Variants in ANKH observed in about 807,000 individuals in gnomAD.
ANKH encodes the protein mineralization regulator ANKH.
ANKH carries 15 observed loss-of-function variants against 49.0 expected under a neutral mutation model. That is an observed-to-expected ratio of 0.31 (90% CI 0.20 to 0.47). The LOEUF (loss-of-function observed/expected upper bound fraction) is 0.47. Among genes scored for constraint, ANKH ranks in the 20% least tolerant of loss-of-function variants. The pLI is 1.00. For missense variants in ANKH, 429 were observed against 652.0 expected (o/e 0.66, Z 3.72); for synonymous variants, 273 against 260.0 (o/e 1.05, Z -0.48).
intron 1 of ANKH, chr5:14,797,894 T>C: frequency 6.2e-7 from 1 of 1,611,946 alleles, no homozygotes; most frequent in Non-Finnish European, 8.5e-7. Context: ...GACGCAAGTC[T>C]GGGTTGCATT....
chr5:14,753,204 T>C (rs1561038991), intron 4 of ANKH, among the ~76,000 whole-genome samples: 1 of 152,120 alleles, frequency 6.6e-6, no homozygotes, highest in African/African-American at 2.4e-5. Context: ...GTTGCTGCAG[T>C]TGACTCTGTG....
intron 2 of ANKH, among the ~76,000 whole-genome samples, chr5:14,765,483 C>G (rs1739231113): frequency 6.6e-6 from 1 of 152,148 alleles, no homozygotes; most frequent in Non-Finnish European, 1.5e-5. Flanking sequence ...CAATCTCCAC[C>G]AAGCATTCCC....
intron 1 of ANKH, chr5:14,788,329 T>C (rs1740044592): frequency 6.6e-6 from 1 of 152,256 alleles, no homozygotes; most frequent in South Asian, 2.1e-4. Context: ...CCAGGGATTA[T>C]CACTGTCATG....
intron 1 of ANKH, among the ~76,000 whole-genome samples, chr5:14,843,768 G>A (rs1490160297): frequency 6.6e-6 from 1 of 152,094 alleles, no homozygotes; most frequent in Non-Finnish European, 1.5e-5. Context: ...TTATTCTCTG[G>A]GTGAGGGAGG....
intron 1 of ANKH, chr5:14,798,206 T>A: frequency 6.3e-7 from 1 of 1,592,504 alleles, no homozygotes; most frequent in Admixed American, 1.7e-5. Flanking sequence ...CCAGGACAAG[T>A]CGATGAAGGC....
At chr5:14,740,585 G>A (rs1311889063) in intron 8 of ANKH, among the ~76,000 whole-genome samples, 1 of 152,250 alleles carries the variant, frequency 6.6e-6, no homozygotes, top group Non-Finnish European at 1.5e-5. Context: ...CTGAGGACAC[G>A]AGGTCATGAC....
intron 1 of ANKH, among the ~76,000 whole-genome samples, chr5:14,845,869 T>TG (rs869243744): frequency 2.2e-4 from 32 of 142,266 alleles, no homozygotes; most frequent in African/African-American, 7.2e-4. Flanking sequence ...TTTTTTTTTT[T>TG]GGTGATGGAA....
rs1554004771 is a variant in ANKH at position 14,771,934 on chromosome 5, A to AC, written c.97-2744_97-2743insG. ...GTCTCAAAAAAAGAAAAAAAAAAAA[A>AC]AAAAAAAAAAAAACCAAAACAAAAC... On this transcript the variant is annotated intron_variant, in intron 1 of 11. Transcript: ENST00000284268. Among the ~76,000 whole-genome samples, 208 of 108,764 alleles carry AC rather than the reference A, an allele frequency of 1.9e-3. 1 individual carries two copies. The highest frequency in any genetic ancestry group is 4.3e-3 in the South Asian group (12 of 2,796). 71.4% of individuals were successfully genotyped at this position (108,764 alleles called of 152,430 possible). A position where few individuals can be genotyped will look rare whatever the true frequency, so the allele number is the denominator to read the frequency against.
intron 1 of ANKH, among the ~76,000 whole-genome samples, chr5:14,773,353 C>CTTT (rs71603741): frequency 0.24 from 18,198 of 76,602 alleles, 3,374 homozygotes; most frequent in Non-Finnish European, 0.25. Flanking sequence ...GCAAAGCATT[C>CTTT]TTTTTTTTTT....
chr5:14,758,815 T>A (rs1364238932), intron 2 of ANKH, among the ~76,000 whole-genome samples: 3 of 152,256 alleles, frequency 2.0e-5, no homozygotes, highest in African/African-American at 7.2e-5. Context: ...CAAGTTCTTT[T>A]ATTGTTCTGT....
chr5:14,796,469 A>ACAC (rs1284260876), intron 1 of ANKH, among the ~76,000 whole-genome samples: 1 of 113,880 alleles, frequency 8.8e-6, no homozygotes, highest in Non-Finnish European at 1.8e-5. Flanking sequence ...AAAAAAACAC[A>ACAC]CACCAACAAA....
At chr5:14,840,291 T>C (rs17318936) in intron 1 of ANKH, among the ~76,000 whole-genome samples, 40,722 of 152,074 alleles carry the variant, frequency 0.27, 5,636 homozygotes, top group Admixed American at 0.34. Context: ...GTATTCAAGA[T>C]ATAGTTTAAA....
At chr5:14,733,725 GC>G (rs1738077784) in intron 8 of ANKH, among the ~76,000 whole-genome samples, 1 of 152,196 alleles carries the variant, frequency 6.6e-6, no homozygotes, top group East Asian at 1.9e-4. Flanking sequence ...TAAGTGAATG[GC>G]CGGTCATCGG....
chr5:14,867,805 C>T (rs1042446081), intron 1 of ANKH, among the ~76,000 whole-genome samples: 8 of 152,122 alleles, frequency 5.3e-5, no homozygotes, highest in African/African-American at 1.4e-4. Flanking sequence ...ATGATCCACC[C>T]GCCTCGGCCT....
At position 14,770,138 on chromosome 5, in the gene ANKH, T is replaced by G. The variant is rs554645709; in HGVS notation, c.97-947A>C. On this transcript the variant is annotated intron_variant, in intron 1 of 11. Transcript: ENST00000284268. The surrounding 1 kb of genome is among the most constrained non-coding windows in gnomAD (Gnocchi z 4.1). ...TCAGCTTTCTGTATAGTTATATATT[T>G]TTAGAAAATAGACTGTTTTTAAGGC... 6.6e-6 allele frequency among the ~76,000 whole-genome samples: 1 copy of G among 152,296 alleles called. No homozygotes were observed. Among genetic ancestry groups the G allele is most frequent in the Non-Finnish European group, 1.5e-5 (1 of 68,030 alleles).
chr5:14,854,361 T>C (rs887290023), intron 1 of ANKH, among the ~76,000 whole-genome samples: 5 of 152,212 alleles, frequency 3.3e-5, no homozygotes, highest in African/African-American at 4.8e-5. Flanking sequence ...GAACTCATTC[T>C]CTTTGCCACA....
intron 1 of ANKH, among the ~76,000 whole-genome samples, chr5:14,863,023 G>T (rs531013573): frequency 6.6e-6 from 1 of 152,064 alleles, no homozygotes; most frequent in Non-Finnish European, 1.5e-5. Context: ...CAAAAAGCAA[G>T]AACTCAATAA....
At chr5:14,769,260 A>T in intron 1 of ANKH, 69 bp from the exon 2 acceptor site, 3 of 1,324,500 alleles carry the variant, frequency 2.3e-6, no homozygotes, top group Non-Finnish European at 3.2e-6. Flanking sequence ...CATACCTCTA[A>T]GATGAAATTC....
Position 14,711,243 on chromosome 5 carries a change from G to A in ANKH, c.1433C>T (p.Thr478Ile). ...TTCCACGATGTCTGTCACCTCCTCTGTCGGAGGCATGTCTGTCATGGCAGA... is the reference window on the plus strand; with the variant it reads ...TTCCACGATGTCTGTCACCTCCTCTATCGGAGGCATGTCTGTCATGGCAGA... ...EDSAMTDMPP[T>I]EEVTDIVEMR... The change falls in exon 12 of 12, where the codon ACA (threonine) becomes ATA (isoleucine). Residue 478 changes from threonine (T) to isoleucine (I), a missense_variant. Physicochemically the swap from Thr to Ile is moderately conservative, Grantham distance 89. This residue lies in a region of ANKH where 51 missense variants were observed against 36.7 expected (regional missense o/e 1.39). Coordinates refer to ENST00000284268, the MANE Select transcript of ANKH (RefSeq NM_054027.6). 1 of 1,614,070 alleles carries A rather than the reference G, an allele frequency of 6.2e-7. No individual in the cohort carries two copies.
Sources: gnomAD v4.1 joint callset for allele counts (sites outside exome capture counted in the v4.1 genomes callset) on GRCh38, gnomAD v4.1.1 for gene constraint, gnomAD v4.1.1 regional missense constraint, Gnocchi (gnomAD v3.1) non-coding constraint, MANE v1.5 for transcripts, NCBI Gene and HGNC (gene_info 2026-07-23, HGNC 2026-07-21) for gene names.